TANC1: variants seen among roughly 807,000 people sequenced by gnomAD.
TANC1 encodes tetratricopeptide repeat, ankyrin repeat and coiled-coil containing 1.
In TANC1, 77 loss-of-function variants were observed where a neutral mutation model predicts 149.7. The observed-to-expected ratio is 0.51, with a 90% confidence interval of 0.43 to 0.62. The LOEUF is 0.62. Among genes scored for constraint, TANC1 ranks in the 20% least tolerant of loss-of-function variants. The pLI is 0.00. For missense variants in TANC1, 1,985 were observed against 2,321.8 expected (o/e 0.85, Z 2.98); for synonymous variants, 854 against 925.0 (o/e 0.92, Z 1.39).
intron 19 of TANC1, among the ~76,000 whole-genome samples, chr2:159,201,998 G>A (rs796251292): frequency 2.0e-5 from 3 of 152,232 alleles, no homozygotes; most frequent in South Asian, 2.1e-4. Flanking sequence ...TTAAATTCAC[G>A]CACAAATTCT....
chr2:159,229,011 T>C, intron 26 of TANC1, 115 bp downstream of exon 26: 1 of 741,586 alleles, frequency 1.3e-6, no homozygotes, highest in Non-Finnish European at 2.3e-6. Context: ...CTCTCATCCT[T>C]TTTAGTAGTG....
chr2:159,121,298 C>T (rs1265264043), intron 4 of TANC1, among the ~76,000 whole-genome samples: 3 of 152,220 alleles, frequency 2.0e-5, no homozygotes, highest in African/African-American at 7.2e-5. Context: ...TATTTATGCA[C>T]TTAATTGCAC....
intron 4 of TANC1, among the ~76,000 whole-genome samples, chr2:159,116,465 A>C (rs900455321): frequency 5.3e-5 from 8 of 152,192 alleles, no homozygotes; most frequent in Admixed American, 3.3e-4. Context: ...AAAAAAAAAA[A>C]AACAAAGGAC....
chr2:159,211,849 G>A (rs1386971376), intron 19 of TANC1, among the ~76,000 whole-genome samples: 1 of 152,240 alleles, frequency 6.6e-6, no homozygotes, highest in African/African-American at 2.4e-5. Context: ...GTCTGCCTGT[G>A]CTTACAGGTT....
intron 1 of TANC1, among the ~76,000 whole-genome samples, chr2:158,973,308 G>T (rs2033168253): frequency 6.6e-6 from 1 of 152,232 alleles, no homozygotes; most frequent in East Asian, 1.9e-4. Context: ...GCACACCTAG[G>T]GTTACGTGCC....
At chr2:159,224,575 G>T in intron 23 of TANC1, 2 of 575,304 alleles carry the variant, frequency 3.5e-6, no homozygotes, top group East Asian at 3.1e-5. Flanking sequence ...AGCAGAGGCT[G>T]GTGTTGAAGG....
In TANC1 at chr2:159,175,034, C is replaced by T; in HGVS notation, c.1585C>T (p.Leu529Phe). 6.2e-7 allele frequency: 1 copy of T among 1,614,228 alleles called. No individual in the cohort carries two copies. The highest frequency in any genetic ancestry group is 8.5e-7 in the Non-Finnish European group (1 of 1,180,046). Reference sequence around the variant, plus strand: ...GTTTGTGCACAGCATCGCAGCTTTGCTCTGCCGGTCCCATCAGCTGGCCGC... The same window carrying T: ...GTTTGTGCACAGCATCGCAGCTTTGTTCTGCCGGTCCCATCAGCTGGCCGC... ...PEFVHSIAAL[L>F]CRSHQLAAYR... Residue 529 changes from leucine (L) to phenylalanine (F), a missense_variant, in exon 12 of 27, where the codon CTC becomes TTC. Around this residue, in one of 3 missense-constraint regions of TANC1, gnomAD observed 508 missense variants for 714.2 expected, o/e 0.71. Transcript: ENST00000263635.
chr2:159,171,669 C>G (rs2055223473), intron 10 of TANC1, among the ~76,000 whole-genome samples: 1 of 151,890 alleles, frequency 6.6e-6, no homozygotes, highest in Non-Finnish European at 1.5e-5. Flanking sequence ...CCAGCCTGAC[C>G]AACATGGTAA....
chr2:159,132,231 A>C (rs1297066765), intron 4 of TANC1, among the ~76,000 whole-genome samples: 1 of 152,228 alleles, frequency 6.6e-6, no homozygotes, highest in East Asian at 1.9e-4. Context: ...GAATGAGTGA[A>C]TTAATGTATG....
At chr2:158,988,338 A>G (rs1370605711) in intron 1 of TANC1, among the ~76,000 whole-genome samples, 2 of 151,850 alleles carry the variant, frequency 1.3e-5, no homozygotes, top group Non-Finnish European at 2.9e-5. Context: ...AAAAAAAAAA[A>G]AAAAAGAAAA....
Position 159,103,462 on chromosome 2 carries a change from A to G in TANC1, c.259+5628A>G, listed in dbSNP as rs553700716. On this transcript the variant is annotated intron_variant, in intron 4 of 26. Coordinates refer to ENST00000263635, the MANE Select transcript of TANC1 (RefSeq NM_033394.3). ...GCGGCCTAACTGTGGACTACTGACA[A>G]TTTTAAGAGGCTGAGACGTCATTCT... Among the ~76,000 whole-genome samples, 126 of 96,376 alleles carry G rather than the reference A, an allele frequency of 1.3e-3. 26 individuals are homozygous for G. The highest frequency in any genetic ancestry group is 3.4e-3 in the African/African-American group (120 of 34,870). The allele number at this position is 96,376 out of a possible 152,430, so 63.2% of individuals were successfully genotyped here.
chr2:159,097,823 A>G lies in TANC1; in HGVS notation c.248A>G (p.Lys83Arg), dbSNP rs1249405030. The change falls in exon 4 of 27, where the codon AAA becomes AGA. Residue 83 changes from lysine to arginine, a missense_variant. Lys to Arg is a conservative substitution (Grantham distance 26, BLOSUM62 2). Coordinates refer to ENST00000263635, the MANE Select transcript of TANC1 (RefSeq NM_033394.3). ...CACTTGGTGCAATCAAGAGTGAACA[A>G]AAAATCCCCAGGTAAACAGGCAATG... ...QSHLVQSRVN[K>R]KSPGPVRKPK... 6.2e-7 allele frequency: 1 copy of G among 1,611,850 alleles called. No individual in the cohort carries two copies. The highest frequency in any genetic ancestry group is 1.1e-5 in the South Asian group (1 of 91,042).
intron 2 of TANC1, among the ~76,000 whole-genome samples, chr2:159,049,916 TAAAG>T: frequency 6.6e-6 from 1 of 152,108 alleles, no homozygotes; most frequent in Admixed American, 6.5e-5. Flanking sequence ...GTAGCACAGA[TAAAG>T]AATGGAGAAA....
At chr2:159,225,817 C>A in intron 24 of TANC1, 38 bp downstream of exon 24, 1 of 1,441,790 alleles carries the variant, frequency 6.9e-7, no homozygotes, top group Non-Finnish European at 9.7e-7. Context: ...ATTGAAACTG[C>A]CTGGGAGCAC....
chr2:159,196,715 T>C lies in TANC1; in HGVS notation c.3087T>C (p.Pro1029=), dbSNP rs776773624. Residue 1029 remains proline, a synonymous_variant, in exon 18 of 27, where the codon CCT becomes CCC. Transcript: ENST00000263635. ...YLLTCEWSPG[P]PQPGTLRKSH... ...TGACTTGTGAGTGGTCGCCGGGTCCTCCCCAGCCAGGCACCCTGAGGAAGA... is the reference window on the plus strand; with the variant it reads ...TGACTTGTGAGTGGTCGCCGGGTCCCCCCCAGCCAGGCACCCTGAGGAAGA... 3 of 1,613,864 alleles carry C rather than the reference T, an allele frequency of 1.9e-6. No homozygotes were observed. The South Asian group carries it at 3.3e-5, about 18-fold the overall frequency.
intron 5 of TANC1, 33 bp from the exon 6 acceptor site, chr2:159,149,109 G>A (rs752970432): frequency 1.3e-6 from 2 of 1,547,224 alleles, no homozygotes; most frequent in South Asian, 2.5e-5. Flanking sequence ...TTCCCCAGAG[G>A]GGCATCTTCA....
At chr2:159,170,390 T>G in intron 9 of TANC1, 134 bp from the exon 10 acceptor site, 1 of 788,044 alleles carries the variant, frequency 1.3e-6, no homozygotes, top group Non-Finnish European at 2.0e-6. Context: ...TAGAACGAGA[T>G]TGGAAATGCT....
In TANC1 at chr2:159,178,652, A is replaced by G. The variant is rs1421793860; in HGVS notation, c.1999A>G (p.Arg667Gly). The G allele has an allele frequency of 6.2e-7, 1 of 1,614,202 alleles. No individual in the cohort carries two copies. Residue 667 changes from arginine (R) to glycine (G), a missense_variant, in exon 14 of 27, where the codon AGG becomes GGG. By Grantham distance (125) the Arg-to-Gly change is moderately radical. Around this residue, in one of 3 missense-constraint regions of TANC1, gnomAD observed 508 missense variants for 714.2 expected, o/e 0.71. Coordinates refer to ENST00000263635, the MANE Select transcript of TANC1 (RefSeq NM_033394.3). ...HSDLHAYVQHRVHSSQDILSN... is the reference protein window; with the variant it reads ...HSDLHAYVQHGVHSSQDILSN... ...TGACCTGCACGCCTACGTCCAGCAC[A>G]GGGTGCACAGCAGCCAGGACATCCT...
intron 8 of TANC1, among the ~76,000 whole-genome samples, chr2:159,164,352 T>C (rs897666904): frequency 3.3e-5 from 5 of 152,230 alleles, no homozygotes; most frequent in Admixed American, 2.0e-4. Flanking sequence ...CTAGAGATTA[T>C]TTAAAATATA....
Sources: gnomAD v4.1 joint callset for allele counts (sites outside exome capture counted in the v4.1 genomes callset) on GRCh38, gnomAD v4.1.1 for gene constraint, gnomAD v4.1.1 regional missense constraint, MANE v1.5 for transcripts, NCBI Gene and HGNC (gene_info 2026-07-23, HGNC 2026-07-21) for gene names.